The following ANKS1B variants were observed in gnomAD, a reference collection of about 807,000 sequenced individuals.
ANKS1B encodes the protein ankyrin repeat and sterile alpha motif domain-containing protein 1B.
A neutral mutation model predicts 148.3 loss-of-function variants in ANKS1B; 36 were observed. The observed-to-expected ratio is 0.24, with a 90% CI of 0.19 to 0.32. The LOEUF (loss-of-function observed/expected upper bound fraction) is 0.32, where lower values mean the gene tolerates loss of function less well. Among genes scored for constraint, ANKS1B ranks in the 10% least tolerant of loss-of-function variants. ANKS1B has a pLI of 1.00. For missense variants in ANKS1B, 1,157 were observed against 1,542.6 expected (o/e 0.75, Z 4.19); for synonymous variants, 542 against 560.8 (o/e 0.97, Z 0.47).
chr12:99,650,453 A>C (rs1297783267), intron 9 of ANKS1B, among the ~76,000 whole-genome samples: 1 of 129,596 alleles, frequency 7.7e-6, no homozygotes, highest in Admixed American at 8.1e-5. Flanking sequence ...AGTGTTGAGA[A>C]ACAAATTCTG....
At chr12:98,896,801 C>T (rs982070473) in intron 17 of ANKS1B, among the ~76,000 whole-genome samples, 2 of 152,226 alleles carry the variant, frequency 1.3e-5, no homozygotes, top group Non-Finnish European at 2.9e-5. Flanking sequence ...CTATTTAGTT[C>T]TGTGTCTTAC....
chr12:99,291,560 A>G (rs1382529814), intron 12 of ANKS1B, among the ~76,000 whole-genome samples: 1 of 152,202 alleles, frequency 6.6e-6, no homozygotes, highest in African/African-American at 2.4e-5. Flanking sequence ...GACCAATGGA[A>G]CAGAACAGAG....
rs141932141 is a variant in ANKS1B at position 98,997,857 on chromosome 12, TC to T, written c.2778+55299del. Among the ~76,000 whole-genome samples the T allele has an allele frequency of 6.1e-3, 930 of 152,342 alleles. 9 individuals carry two copies. The highest frequency in any genetic ancestry group is 0.021 in the African/African-American group (888 of 41,588). On this transcript the variant is annotated intron_variant, in intron 17 of 26. Transcript: ENST00000683438. Reference sequence around the variant, plus strand: ...ATGTAAATAATTATTGTTAAGATTTTCCTAATTTCTTTGTTAAAATGGTTCA... The same window carrying T: ...ATGTAAATAATTATTGTTAAGATTTTCTAATTTCTTTGTTAAAATGGTTCA...
chr12:99,831,047 T>C (rs937332896), intron 1 of ANKS1B, among the ~76,000 whole-genome samples: 10 of 152,172 alleles, frequency 6.6e-5, no homozygotes, highest in Admixed American at 5.2e-4. Flanking sequence ...TCTGGCATTA[T>C]ATTATTTATT....
At chr12:99,843,747 T>C (rs1403381853) in intron 1 of ANKS1B, among the ~76,000 whole-genome samples, 2 of 152,116 alleles carry the variant, frequency 1.3e-5, no homozygotes, top group Admixed American at 6.6e-5. Context: ...AACAGAATAA[T>C]ATATATTCCT....
In ANKS1B at chr12:98,751,031, G is replaced by A. The variant is rs570439862; in HGVS notation, c.3747+324C>T. On this transcript the variant is annotated intron_variant, in intron 26 of 26. Coordinates refer to ENST00000683438, the MANE Select transcript of ANKS1B (RefSeq NM_001352186.2). This position sits in a 1 kb window ranked among gnomAD's most constrained non-coding sequence, Gnocchi z 4.3. Reference sequence around the variant, plus strand: ...ATGGGATGGCAGCTGAAGCCCCAGGGAACACTGCTCCCAAGCTTTCCTGAA... The same window carrying A: ...ATGGGATGGCAGCTGAAGCCCCAGGAAACACTGCTCCCAAGCTTTCCTGAA... Among the ~76,000 whole-genome samples, 6 of 152,340 alleles carry A rather than the reference G, an allele frequency of 3.9e-5. No homozygotes were observed. The highest frequency in any genetic ancestry group is 1.4e-4 in the African/African-American group (6 of 41,586).
chr12:99,841,504 G>T (rs1285274981), intron 1 of ANKS1B, among the ~76,000 whole-genome samples: 2 of 151,928 alleles, frequency 1.3e-5, no homozygotes, highest in African/African-American at 4.8e-5. Flanking sequence ...TTGGAAGCAG[G>T]TTACATAAAC....
At chr12:99,304,415 T>C (rs751929583) in intron 12 of ANKS1B, among the ~76,000 whole-genome samples, 7 of 152,184 alleles carry the variant, frequency 4.6e-5, no homozygotes, top group Non-Finnish European at 7.3e-5. Flanking sequence ...TATTTTCTTA[T>C]AATTTAAAAT....
intron 8 of ANKS1B, among the ~76,000 whole-genome samples, chr12:99,690,330 C>T (rs1011317799): frequency 1.3e-5 from 2 of 152,098 alleles, no homozygotes; most frequent in African/African-American, 4.8e-5. Context: ...TGTCTTTTCA[C>T]ACTTCAAAAC....
Position 98,802,011 on chromosome 12 carries a change from A to G in ANKS1B, c.3142-886T>C, listed in dbSNP as rs77645874. Among the ~76,000 whole-genome samples, 11 of 152,310 alleles carry G rather than the reference A, an allele frequency of 7.2e-5. 1 individual carries two copies. Among genetic ancestry groups the G allele is most frequent in the African/African-American group, 2.2e-4 (9 of 41,578 alleles). On this transcript the variant is annotated intron_variant, in intron 20 of 26. Coordinates refer to ENST00000683438, the MANE Select transcript of ANKS1B (RefSeq NM_001352186.2). ...TATTTTCTGGGCTCTACTCTGATTT[A>G]CATACTACGCATGAGATATTTCTTA...
chr12:99,950,113 AT>A (rs35287842), intron 1 of ANKS1B, among the ~76,000 whole-genome samples: 8,651 of 90,380 alleles, frequency 0.096, 351 homozygotes, highest in Middle Eastern at 0.17. Flanking sequence ...TGCTCAGTTA[AT>A]TTTTTTTTTT....
At chr12:99,729,462 G>A in intron 8 of ANKS1B, among the ~76,000 whole-genome samples, 1 of 151,912 alleles carries the variant, frequency 6.6e-6, no homozygotes, top group East Asian at 1.9e-4. Context: ...TTCAGTAATT[G>A]TACTTTTGAA....
In ANKS1B at chr12:99,536,313, C is replaced by T. The variant is rs1427826443; in HGVS notation, c.1273-31672G>A. On this transcript the variant is annotated intron_variant, in intron 9 of 26. Coordinates refer to ENST00000683438, the MANE Select transcript of ANKS1B (RefSeq NM_001352186.2). ...GATGTTGATAATGGGGGAAGCTACA[C>T]ATATGTATGGGGGCAAGGGAGATAT... 2.0e-5 allele frequency among the ~76,000 whole-genome samples: 3 copies of T among 152,136 alleles called. No homozygotes were observed. The East Asian group carries it at 5.8e-4, about 29-fold the overall frequency.
At chr12:99,398,355 G>A (rs1291326606) in intron 12 of ANKS1B, among the ~76,000 whole-genome samples, 1 of 152,028 alleles carries the variant, frequency 6.6e-6, no homozygotes, top group Non-Finnish European at 1.5e-5. Context: ...GTAGGTATAT[G>A]AACATACATA....
At position 99,269,102 on chromosome 12, in the gene ANKS1B, TAA is replaced by T. The variant is rs531056964; in HGVS notation, c.1757-22240_1757-22239del. On this transcript the variant is annotated intron_variant, in intron 12 of 26. Coordinates refer to ENST00000683438, the MANE Select transcript of ANKS1B (RefSeq NM_001352186.2). ...GAAAACAAAATCCGGATATTTTTTA[TAA>T]AAATACATTCTCTAATTCTTATCTG... is the stretch of plus-strand genomic sequence containing the variant. 1.4e-3 allele frequency among the ~76,000 whole-genome samples: 220 copies of T among 152,322 alleles called. 2 individuals are homozygous for T. Among genetic ancestry groups the T allele is most frequent in the African/African-American group, 4.5e-3 (186 of 41,570 alleles).
At chr12:99,834,444 G>T (rs1014867316) in intron 1 of ANKS1B, among the ~76,000 whole-genome samples, 5 of 152,142 alleles carry the variant, frequency 3.3e-5, no homozygotes, top group African/African-American at 1.2e-4. Context: ...ATATGGGGTT[G>T]CCAATTACCA....
rs912723217 is a variant in ANKS1B, at chr12:98,744,075, C to T, written c.*1664G>A. 8.4e-5 allele frequency: 83 copies of T among 982,614 alleles called. No individual in the cohort carries two copies. Among genetic ancestry groups the T allele is most frequent in the Middle Eastern group, 5.2e-4 (1 of 1,926 alleles). 60.9% of individuals were successfully genotyped at this position (982,614 alleles called of 1,614,324 possible). On this transcript the variant is annotated 3_prime_UTR_variant, in exon 27 of 27. Coordinates refer to ENST00000683438, the MANE Select transcript of ANKS1B (RefSeq NM_001352186.2). ...AACTGGAAGCCCAAGCTTATTTACA[C>T]ATATGCTTCTGTTTCAGCAAAGCTC...
intron 8 of ANKS1B, among the ~76,000 whole-genome samples, chr12:99,735,442 A>G (rs1339502811): frequency 6.6e-6 from 1 of 152,160 alleles, no homozygotes; most frequent in Non-Finnish European, 1.5e-5. Context: ...CACAACCAAT[A>G]CCTTAGAAAT....
chr12:99,052,326 A>T (rs2099966648), intron 17 of ANKS1B, among the ~76,000 whole-genome samples: 1 of 152,252 alleles, frequency 6.6e-6, no homozygotes, highest in South Asian at 2.1e-4. Context: ...GAGACAACGT[A>T]AGATTAGACA....
Sources: gnomAD v4.1 joint callset for allele counts (sites outside exome capture counted in the v4.1 genomes callset) on GRCh38, gnomAD v4.1.1 for gene constraint, Gnocchi (gnomAD v3.1) non-coding constraint, MANE v1.5 for transcripts, NCBI Gene and HGNC (gene_info 2026-07-23, HGNC 2026-07-21) for gene names.